FYB2: variants seen among roughly 807,000 people sequenced by gnomAD.
FYB2 encodes the protein FYN binding protein 2, also known as FYN-binding protein 2.
In FYB2, 103 loss-of-function variants were observed where a neutral mutation model predicts 94.1. The observed-to-expected ratio is 1.09, with a 90% CI of 0.93 to 1.29. The LOEUF (loss-of-function observed/expected upper bound fraction) is 1.29. Ranked by LOEUF, FYB2 falls within the 50% of genes most tolerant of loss-of-function variation. FYB2 has a pLI of 0.00. For missense variants in FYB2, 896 were observed against 841.5 expected, an observed-to-expected ratio of 1.06 and a Z score of -0.80; for synonymous variants, 293 against 287.9, an observed-to-expected ratio of 1.02 and a Z score of -0.18.
chr1:56,787,241 C>T lies in FYB2; in HGVS notation c.920-33G>A, dbSNP rs767437873. On this transcript the variant is annotated intron_variant, in intron 3 of 19. Transcript: ENST00000343433. ...AGAAAGAGGCGGAATGAAAAAGAGG[C>T]ATTTGCAGCAGCCTGGTTAAAGTGA... The T allele has an allele frequency of 3.1e-6, 5 of 1,612,846 alleles. No homozygotes were observed. In the East Asian group the frequency reaches 6.7e-5, roughly 22 times the overall value.
intron 4 of FYB2, among the ~76,000 whole-genome samples, chr1:56,774,113 AT>A (rs1003575448): frequency 3.9e-5 from 6 of 152,006 alleles, no homozygotes; most frequent in Non-Finnish European, 8.8e-5. Flanking sequence ...ATTTGGAGTG[AT>A]TTTTTTTCAT....
upstream of FYB2, chr1:56,819,634 G>C (rs1045715498): frequency 2.2e-6 from 1 of 461,902 alleles, no homozygotes; most frequent in Non-Finnish European, 4.0e-6. Context: ...TCACTCTCCA[G>C]GGCATTTGTG....
At chr1:56,740,884 T>C (rs1569930910) in intron 12 of FYB2, 89 bp from the exon 13 acceptor site, 3 of 808,130 alleles carry the variant, frequency 3.7e-6, no homozygotes, top group Admixed American at 5.8e-5. Context: ...AAATGCCACA[T>C]GTTCTCACTT....
Position 56,740,700 on chromosome 1 carries a change from A to C in FYB2, c.1700T>G (p.Leu567Ter). The change falls in exon 13 of 20, where the codon TTA becomes TGA. Residue 567 changes from leucine (L) to a stop codon, truncating the protein, a stop_gained. Transcript: ENST00000343433. LOFTEE classifies it high-confidence loss of function. ...GGGATTTAAAGGGACTTTTTACCTTAAGTTTTCTTTCGACTTGGTTTTCTT... is the reference window on the plus strand; with the variant it reads ...GGGATTTAAAGGGACTTTTTACCTTCAGTTTTCTTTCGACTTGGTTTTCTT... Reference protein sequence around the residue: ...KIKKTKSKENLSAFSILLPDL... With the variant: ...KIKKTKSKEN 1 of 1,578,294 alleles carries C rather than the reference A, an allele frequency of 6.3e-7. No homozygotes were observed. The highest frequency in any genetic ancestry group is 1.4e-5 in the African/African-American group (1 of 73,750).
chr1:56,773,879 G>A (rs982170485), intron 4 of FYB2, among the ~76,000 whole-genome samples: 1 of 152,104 alleles, frequency 6.6e-6, no homozygotes, highest in Admixed American at 6.6e-5. Flanking sequence ...CTGGTGACAA[G>A]GGAATGTGAC....
At chr1:56,809,313 C>T (rs1646713642) in intron 1 of FYB2, among the ~76,000 whole-genome samples, 1 of 152,152 alleles carries the variant, frequency 6.6e-6, no homozygotes, top group Non-Finnish European at 1.5e-5. Flanking sequence ...AAACATAATA[C>T]AAGTATATTA....
At chr1:56,781,350 C>T (rs984696441) in intron 4 of FYB2, among the ~76,000 whole-genome samples, 1 of 152,164 alleles carries the variant, frequency 6.6e-6, no homozygotes, top group African/African-American at 2.4e-5. Context: ...CTTTCCCTCA[C>T]ATCTCACTCC....
chr1:56,824,720 C>G, the FYB2 span: 5 of 152,226 alleles, frequency 3.3e-5, no homozygotes, highest in Admixed American at 6.5e-5. Flanking sequence ...ATCGTACCTC[C>G]TTTTCTGCTT....
At chr1:56,769,899 A>G (rs1317235605) in intron 4 of FYB2, among the ~76,000 whole-genome samples, 2 of 152,188 alleles carry the variant, frequency 1.3e-5, no homozygotes, top group Admixed American at 6.5e-5. Flanking sequence ...CTGAATTGAT[A>G]TATTTTTTAA....
At position 56,763,852 on chromosome 1, in the gene FYB2, GA is replaced by G. The variant is rs1488162800; in HGVS notation, c.1063+3976del. On this transcript the variant is annotated intron_variant, in intron 5 of 19. Transcript: ENST00000343433. ...TTTCCTTCCTGCTACTTGCTTTCAAGAATTTTTCTCTGTCTTTAAGAAGTTT... is the reference window on the plus strand; with the variant it reads ...TTTCCTTCCTGCTACTTGCTTTCAAGATTTTTCTCTGTCTTTAAGAAGTTT... Among the ~76,000 whole-genome samples, 16 of 151,232 alleles carry G rather than the reference GA, an allele frequency of 1.1e-4. No individual in the cohort carries two copies. The East Asian group carries it at 3.1e-3, about 29-fold the overall frequency.
intron 1 of FYB2, among the ~76,000 whole-genome samples, chr1:56,806,062 C>A (rs1646639599): frequency 6.6e-6 from 1 of 152,176 alleles, no homozygotes; most frequent in Admixed American, 6.5e-5. Context: ...CCAGACTCAT[C>A]CAACAATTAT....
chr1:56,731,322 C>G (rs562080856), intron 15 of FYB2, among the ~76,000 whole-genome samples: 1 of 152,200 alleles, frequency 6.6e-6, no homozygotes, highest in African/African-American at 2.4e-5. Context: ...TTGATGTTAT[C>G]ATCTGAGACA....
chr1:56,822,322 A>T (rs1490160819), upstream of FYB2, among the ~76,000 whole-genome samples: 1 of 152,240 alleles, frequency 6.6e-6, no homozygotes, highest in Non-Finnish European at 1.5e-5. Context: ...TTTAAATCGT[A>T]GAGAAATACA....
At chr1:56,780,546 C>G (rs990525446) in intron 4 of FYB2, among the ~76,000 whole-genome samples, 11 of 152,170 alleles carry the variant, frequency 7.2e-5, no homozygotes, top group African/African-American at 2.4e-4. Flanking sequence ...TGCTGCTGAT[C>G]CAGTTGCATC....
chr1:56,824,317 C>T (rs993604399), upstream of FYB2: 1 of 152,434 alleles, frequency 6.6e-6, no homozygotes, highest in African/African-American at 2.4e-5. Context: ...AAGATGGCGC[C>T]TTGAACACTG....
chr1:56,826,910 G>A, the FYB2 span: 2 of 152,354 alleles, frequency 1.3e-5, no homozygotes, highest in Admixed American at 1.3e-4. Flanking sequence ...AGCTGTTGGA[G>A]GAATTTCACT....
chr1:56,723,257 A>T (rs768446216), intron 17 of FYB2, among the ~76,000 whole-genome samples: 21 of 151,776 alleles, frequency 1.4e-4, no homozygotes, highest in Admixed American at 3.3e-4. Flanking sequence ...TAATACAACT[A>T]ATCAGTGTTA....
At chr1:56,811,185 T>C (rs1328479906) in intron 1 of FYB2, among the ~76,000 whole-genome samples, 1 of 152,206 alleles carries the variant, frequency 6.6e-6, no homozygotes, top group Non-Finnish European at 1.5e-5. Flanking sequence ...CAAAAAGTGG[T>C]AGCACTGGGA....
intron 4 of FYB2, among the ~76,000 whole-genome samples, chr1:56,776,521 A>G (rs1326458244): frequency 6.6e-6 from 1 of 152,170 alleles, no homozygotes; most frequent in African/African-American, 2.4e-5. Context: ...AGATCTGATA[A>G]AGCAGATTCC....
Sources: allele counts gnomAD v4.1 joint callset (sites outside exome capture counted in the v4.1 genomes callset), GRCh38; gene constraint gnomAD v4.1.1; transcripts MANE v1.5; gene names NCBI Gene and HGNC (gene_info 2026-07-23, HGNC 2026-07-21).